The following HERC4 variants were observed in gnomAD, a reference collection of about 807,000 sequenced individuals.
The protein encoded by HERC4 is probable E3 ubiquitin-protein ligase HERC4.
In HERC4, 28 loss-of-function variants were observed where a neutral mutation model predicts 124.3. The ratio of observed to expected loss-of-function variants is 0.23; its 90% CI spans 0.17 to 0.31. HERC4 has a LOEUF of 0.31. HERC4 is among the 10% of genes least tolerant of loss of function. The pLI is 1.00. For missense variants in HERC4, 713 were observed against 1,229.3 expected (o/e 0.58, Z 6.28); for synonymous variants, 407 against 421.5 (o/e 0.97, Z 0.42).
chr10:67,982,001 T>C (rs1332959264), intron 15 of HERC4, among the ~76,000 whole-genome samples: 1 of 152,138 alleles, frequency 6.6e-6, no homozygotes, highest in Non-Finnish European at 1.5e-5. Flanking sequence ...AAATGGAAGA[T>C]ATTCCATGTT....
intron 15 of HERC4, among the ~76,000 whole-genome samples, chr10:67,971,919 T>C (rs1223216263): frequency 2.0e-5 from 3 of 152,114 alleles, no homozygotes; most frequent in African/African-American, 4.8e-5. Flanking sequence ...CAAAACTCAA[T>C]TGATTTTCTC....
intron 15 of HERC4, among the ~76,000 whole-genome samples, chr10:67,986,872 A>G (rs1490088006): frequency 6.6e-6 from 1 of 152,096 alleles, no homozygotes; most frequent in Non-Finnish European, 1.5e-5. Flanking sequence ...TAGAATATGA[A>G]CTTCTAGATC....
chr10:68,073,100 G>C lies in HERC4; in HGVS notation c.9C>G (p.Cys3Trp), dbSNP rs780109071. 9 of 1,610,816 alleles carry C rather than the reference G, an allele frequency of 5.6e-6. No individual in the cohort carries two copies. ML[C>W]WGNASFGQLG... is the part of the protein sequence containing the mutation. Reference sequence around the variant, plus strand: ...GCTGCCCAAAGGATGCATTTCCCCAGCACAACATGCTTGTAATTATTTTGG... The same window carrying C: ...GCTGCCCAAAGGATGCATTTCCCCACCACAACATGCTTGTAATTATTTTGG... The change falls in exon 3 of 25, where the codon TGC becomes TGG. Residue 3 changes from cysteine (C) to tryptophan (W), a missense_variant. Cys to Trp is a radical substitution (Grantham distance 215). Coordinates refer to ENST00000373700, the MANE Select transcript of HERC4 (RefSeq NM_015601.4).
chr10:67,962,248 T>G (rs967204424), intron 16 of HERC4, among the ~76,000 whole-genome samples: 6 of 151,880 alleles, frequency 4.0e-5, no homozygotes, highest in Non-Finnish European at 8.8e-5. Context: ...CTATAAAAAT[T>G]TATCTATGGC....
intron 14 of HERC4, 86 bp downstream of exon 14, chr10:67,990,125 G>T: frequency 1.9e-6 from 2 of 1,080,360 alleles, no homozygotes; most frequent in Non-Finnish European, 1.3e-6. Flanking sequence ...AAGCAGGGCA[G>T]CAGAACTGCA....
chr10:68,051,101 C>CA (rs755520085), intron 3 of HERC4, among the ~76,000 whole-genome samples: 2,547 of 95,304 alleles, frequency 0.027, 20 homozygotes, highest in Non-Finnish European at 0.039. Flanking sequence ...ACCCAAAGAC[C>CA]AAAAAAAAAA....
At chr10:68,055,293 G>C (rs1162229022) in intron 3 of HERC4, among the ~76,000 whole-genome samples, 1 of 152,108 alleles carries the variant, frequency 6.6e-6, no homozygotes, top group Non-Finnish European at 1.5e-5. Flanking sequence ...ATTACCAGTA[G>C]CAATTTGGAA....
intron 9 of HERC4, chr10:67,994,033 C>T (rs1209495334): frequency 6.6e-6 from 1 of 152,110 alleles, no homozygotes; most frequent in Admixed American, 6.5e-5. Flanking sequence ...AATACCTGTC[C>T]ATACAAATAT....
At chr10:68,053,328 C>T (rs2040407089) in intron 3 of HERC4, among the ~76,000 whole-genome samples, 1 of 149,482 alleles carries the variant, frequency 6.7e-6, no homozygotes, top group Admixed American at 6.7e-5. Context: ...TTTTTTTAGA[C>T]CAGGTCTCTC....
chr10:68,009,623 G>A (rs1248023326), intron 9 of HERC4, among the ~76,000 whole-genome samples: 2 of 152,068 alleles, frequency 1.3e-5, no homozygotes, highest in Admixed American at 6.6e-5. Flanking sequence ...TGAAGGCTGG[G>A]GTAGCTGTGG....
intron 19 of HERC4, among the ~76,000 whole-genome samples, chr10:67,950,822 CCCA>C (rs901996632): frequency 1.1e-3 from 172 of 152,254 alleles, no homozygotes; most frequent in African/African-American, 4.0e-3. Context: ...GCTGAAAGAA[CCCA>C]GTAGAACTAC....
At chr10:68,023,368 G>A (rs957603122) in intron 8 of HERC4, among the ~76,000 whole-genome samples, 2 of 152,142 alleles carry the variant, frequency 1.3e-5, no homozygotes, top group African/African-American at 4.8e-5. Context: ...CTTTTAAAGG[G>A]AGGAAATTCT....
intron 8 of HERC4, among the ~76,000 whole-genome samples, chr10:68,022,242 G>T (rs1236315613): frequency 1.3e-5 from 2 of 152,172 alleles, no homozygotes; most frequent in African/African-American, 2.4e-5. Context: ...GCTCACGCCT[G>T]TAATCCCAAC....
Position 68,059,617 on chromosome 10 carries a change from TA to T in HERC4, c.226+13265del, listed in dbSNP as rs1319402232. Among the ~76,000 whole-genome samples the T allele has an allele frequency of 8.5e-5, 8 of 93,836 alleles. 1 individual carries two copies. Among genetic ancestry groups the T allele is most frequent in the African/African-American group, 4.0e-4 (7 of 17,416 alleles). The allele number at this position is 93,836 out of a possible 152,430, so 61.6% of individuals were successfully genotyped here. On this transcript the variant is annotated intron_variant, in intron 3 of 24. Transcript: ENST00000373700. ...TTATATATCATAATATTATATATCA[TA>T]ATATTATATATCATAATATTATATA...
At chr10:68,026,082 T>C (rs1017029539) in intron 7 of HERC4, among the ~76,000 whole-genome samples, 3 of 152,160 alleles carry the variant, frequency 2.0e-5, no homozygotes, top group East Asian at 1.9e-4. Flanking sequence ...AGTGCATAAA[T>C]AGAGCAATTT....
At position 67,992,268 on chromosome 10, in the gene HERC4, G is replaced by A; in HGVS notation, c.1202C>T (p.Thr401Ile). 1 of 1,614,060 alleles carries A rather than the reference G, an allele frequency of 6.2e-7. No homozygotes were observed. The highest frequency in any genetic ancestry group is 8.5e-7 in the Non-Finnish European group (1 of 1,179,922). ...TTTCTGAATTAGAGCTTCATTCACTGTCCAGATCTGCTTTGTCGGATTGGG... is the reference window on the plus strand; with the variant it reads ...TTTCTGAATTAGAGCTTCATTCACTATCCAGATCTGCTTTGTCGGATTGGG... The part of the protein sequence containing the change: ...RCPNPTKQIW[T>I]VNEALIQKWL... The change falls in exon 11 of 25, where the codon ACA (threonine) becomes ATA (isoleucine). Residue 401 changes from threonine (T) to isoleucine (I), a missense_variant. Transcript: ENST00000373700.
At chr10:68,024,023 T>C (rs1292768447) in intron 8 of HERC4, among the ~76,000 whole-genome samples, 1 of 152,042 alleles carries the variant, frequency 6.6e-6, no homozygotes, top group Non-Finnish European at 1.5e-5. Flanking sequence ...AATGACAAGG[T>C]AAGGCAAAAC....
At chr10:68,045,817 G>A (rs982088438) in intron 3 of HERC4, among the ~76,000 whole-genome samples, 12 of 152,192 alleles carry the variant, frequency 7.9e-5, no homozygotes, top group Non-Finnish European at 1.2e-4. Flanking sequence ...CAGAGGCATA[G>A]TTTAGCTCAA....
intron 15 of HERC4, among the ~76,000 whole-genome samples, chr10:67,976,937 T>C (rs2035626958): frequency 6.6e-6 from 1 of 152,182 alleles, no homozygotes; most frequent in Non-Finnish European, 1.5e-5. Flanking sequence ...TGGGCTAAAG[T>C]GCTCTGGGGC....
Sources: allele counts gnomAD v4.1 joint callset (sites outside exome capture counted in the v4.1 genomes callset), GRCh38; gene constraint gnomAD v4.1.1; transcripts MANE v1.5; gene names NCBI Gene and HGNC (gene_info 2026-07-23, HGNC 2026-07-21).